Variants in ROS1 observed in about 807,000 individuals in gnomAD.
The protein encoded by ROS1 is ROS proto-oncogene 1, receptor tyrosine kinase, also known as proto-oncogene tyrosine-protein kinase ROS.
Under a neutral mutation model 273.5 loss-of-function variants are expected in ROS1, and 263 were observed. The observed-to-expected ratio is 0.96, with a 90% CI of 0.87 to 1.06. ROS1 has a LOEUF of 1.06. Ranked by LOEUF, ROS1 falls within the 50% of genes least tolerant of loss-of-function variation. The pLI, the probability that ROS1 is intolerant of heterozygous loss-of-function variation, is 0.00. For missense variants in ROS1, 2,833 were observed against 2,751.1 expected, an observed-to-expected ratio of 1.03 and a Z score of -0.67; for synonymous variants, 1,008 against 954.1, an observed-to-expected ratio of 1.06 and a Z score of -1.04.
rs1215308837 is a variant in ROS1 at position 117,321,363 on chromosome 6, A to G, written c.5655T>C (p.Ser1885=). 6.2e-7 allele frequency: 1 copy of G among 1,612,998 alleles called. No individual in the cohort carries two copies. Among genetic ancestry groups the G allele is most frequent in the Non-Finnish European group, 8.5e-7 (1 of 1,179,582 alleles). ...TAAGCACTGTCACCCCTTCCTTGGC[A>G]CTTTTTTGATTCTTTAATCTTCTAT... ...VWHRRLKNQK[S]AKEGVTVLIN... is the part of the protein sequence containing the mutation. The change falls in exon 36 of 44, where the codon AGT becomes AGC. Residue 1885 remains serine, a synonymous_variant. Transcript: ENST00000368507.
At chr6:117,329,533 G>A (rs1776900419) in intron 32 of ROS1, 87 bp from the exon 33 acceptor site, 1 of 692,048 alleles carries the variant, frequency 1.4e-6, no homozygotes, top group Non-Finnish European at 2.5e-6. Context: ...ATATTAAGAG[G>A]AAAGACAACA....
intron 9 of ROS1, among the ~76,000 whole-genome samples, chr6:117,395,480 T>A (rs375955616): frequency 3.9e-5 from 6 of 152,122 alleles, no homozygotes; most frequent in South Asian, 2.1e-4. Flanking sequence ...TAAGGGGCAG[T>A]CAAGTCAGCA....
At chr6:117,309,204 A>G (rs1010838526) in intron 41 of ROS1, among the ~76,000 whole-genome samples, 2 of 152,228 alleles carry the variant, frequency 1.3e-5, no homozygotes, top group Non-Finnish European at 2.9e-5. Context: ...GCTCACATGC[A>G]TGCACATCCA....
intron 7 of ROS1, among the ~76,000 whole-genome samples, chr6:117,397,391 A>T (rs919569876): frequency 1.3e-5 from 2 of 152,080 alleles, no homozygotes; most frequent in African/African-American, 2.4e-5. Context: ...TGGCCCTTTT[A>T]AAAAAAGTCA....
chr6:117,309,502 A>G (rs1775373062), intron 41 of ROS1, among the ~76,000 whole-genome samples: 1 of 152,140 alleles, frequency 6.6e-6, no homozygotes, highest in South Asian at 2.1e-4. Context: ...ATGAATAAAA[A>G]TTGGCAGCAC....
intron 28 of ROS1, among the ~76,000 whole-genome samples, chr6:117,343,858 G>C (rs1281050585): frequency 6.6e-6 from 1 of 152,160 alleles, no homozygotes; most frequent in Non-Finnish European, 1.5e-5. Flanking sequence ...CAATGGGCAA[G>C]AGTTGATATA....
intron 18 of ROS1, among the ~76,000 whole-genome samples, chr6:117,378,116 A>G (rs117043240): frequency 6.6e-6 from 1 of 152,302 alleles, no homozygotes; most frequent in East Asian, 1.9e-4. Flanking sequence ...AAAACTGGCA[A>G]TTACTTAAGA....
rs780532965 is a variant in ROS1, at chr6:117,319,945, C to T, written c.5845G>A (p.Ala1949Thr). The stretch of plus-strand genomic sequence containing the variant: ...GTTCCTTCATACACTTCTCCAAAGG[C>T]TCCACTTCCCAGCAAGAGACGCAGA... Reference protein sequence around the residue: ...LTLRLLLGSGAFGEVYEGTAV... With the variant: ...LTLRLLLGSGTFGEVYEGTAV... The change falls in exon 37 of 44, where the codon GCC (alanine) becomes ACC (threonine). Residue 1949 changes from alanine to threonine, a missense_variant. Coordinates refer to ENST00000368507, the MANE Select transcript of ROS1 (RefSeq NM_001378902.1). 1.9e-6 allele frequency: 3 copies of T among 1,613,490 alleles called. No homozygotes were observed. The highest frequency in any genetic ancestry group is 1.7e-6 in the Non-Finnish European group (2 of 1,179,624).
chr6:117,317,255 T>A lies in ROS1; in HGVS notation c.6005A>T (p.Asn2002Ile), dbSNP rs376237932. ...AHLMSKFNHP[N>I]ILKQLGVCLL... ...ACAAACTCCAAGCTGCTTCAGAATG[T>A]TGGGATGATTAAATTTGCTGAAAGG... The change falls in exon 39 of 44, where the codon AAC (asparagine) becomes ATC (isoleucine). Residue 2002 changes from asparagine (N) to isoleucine (I), a missense_variant. Asn to Ile is a moderately radical substitution (Grantham distance 149, BLOSUM62 -3). Transcript: ENST00000368507. The A allele has an allele frequency of 6.2e-7, 1 of 1,611,820 alleles. No individual in the cohort carries two copies. Among genetic ancestry groups the A allele is most frequent in the Non-Finnish European group, 8.5e-7 (1 of 1,179,136 alleles).
chr6:117,321,108 T>C (rs1582612591), intron 36 of ROS1, 151 bp downstream of exon 36: 2 of 763,882 alleles, frequency 2.6e-6, no homozygotes, highest in East Asian at 5.7e-5. Context: ...CAGGTCACAT[T>C]TGAGAGTGGA....
At chr6:117,380,366 A>G (rs1344608620) in intron 17 of ROS1, among the ~76,000 whole-genome samples, 1 of 152,130 alleles carries the variant, frequency 6.6e-6, no homozygotes, top group Middle Eastern at 3.2e-3. Flanking sequence ...CGGTTGTCAT[A>G]CAAATCACAG....
intron 39 of ROS1, among the ~76,000 whole-genome samples, chr6:117,315,133 G>A (rs1325547958): frequency 1.3e-5 from 2 of 152,088 alleles, no homozygotes; most frequent in Admixed American, 1.3e-4. Flanking sequence ...GAACAAGACT[G>A]TGAAAAATTA....
At chr6:117,398,276 A>G (rs1185532936) in intron 7 of ROS1, among the ~76,000 whole-genome samples, 2 of 139,702 alleles carry the variant, frequency 1.4e-5, no homozygotes, top group Non-Finnish European at 3.0e-5. Context: ...TCCCCACCGA[A>G]AAAAAAACAA....
intron 17 of ROS1, among the ~76,000 whole-genome samples, chr6:117,379,450 C>G (rs1246478372): frequency 6.6e-6 from 1 of 152,148 alleles, no homozygotes; most frequent in Admixed American, 6.5e-5. Context: ...CCTGCAGCAA[C>G]AGCATCACCT....
rs548740972 is a variant in ROS1 at position 117,344,315 on chromosome 6, G to A, written c.4304-53C>T. The A allele has an allele frequency of 5.7e-6, 7 of 1,231,542 alleles. No individual in the cohort carries two copies. In the East Asian group the frequency reaches 7.7e-5, roughly 14 times the overall value. The allele number at this position is 1,231,542 out of a possible 1,614,324, so 76.3% of individuals were successfully genotyped here. ...AATATCTATACTATATATATGAGAG[G>A]AAAAGCAGATTTTTAACAAGAATAA... On this transcript the variant is annotated intron_variant, in intron 27 of 43. Coordinates refer to ENST00000368507, the MANE Select transcript of ROS1 (RefSeq NM_001378902.1).
At chr6:117,324,038 G>A (rs991545454) in intron 35 of ROS1, among the ~76,000 whole-genome samples, 1 of 152,112 alleles carries the variant, frequency 6.6e-6, no homozygotes, top group Non-Finnish European at 1.5e-5. Context: ...CAGCCAATCA[G>A]AAATAAATAC....
Position 117,363,011 on chromosome 6 carries a change from A to G in ROS1, c.3104-146T>C. The G allele has an allele frequency of 4.1e-6, 3 of 734,930 alleles. No homozygotes were observed. In the South Asian group the frequency reaches 6.8e-5, roughly 17 times the overall value. The allele number at this position is 734,930 out of a possible 1,614,324, so 45.5% of individuals were successfully genotyped here. A position where few individuals can be genotyped will look rare whatever the true frequency, so the allele number is the denominator to read the frequency against. On this transcript the variant is annotated intron_variant, in intron 21 of 43. Transcript: ENST00000368507. ...CAGTATATTTATTACATTCTTAAAG[A>G]TCTTCAGGAGAGAATATTCCATAGA...
chr6:117,326,441 T>C, intron 33 of ROS1, 27 bp from the exon 34 acceptor site: 1 of 1,340,502 alleles, frequency 7.5e-7, no homozygotes, highest in Non-Finnish European at 1.0e-6. Context: ...ATACAGAAAA[T>C]ATACATGACA....
intron 28 of ROS1, among the ~76,000 whole-genome samples, chr6:117,343,674 A>G (rs1169161004): frequency 6.6e-6 from 1 of 152,260 alleles, no homozygotes; most frequent in Non-Finnish European, 1.5e-5. Context: ...GAGAAGAGGT[A>G]TAAGGCAATG....
Sources: allele counts gnomAD v4.1 joint callset (sites outside exome capture counted in the v4.1 genomes callset), GRCh38; gene constraint gnomAD v4.1.1; transcripts MANE v1.5; gene names NCBI Gene and HGNC (gene_info 2026-07-23, HGNC 2026-07-21).